The following CXADR variants were observed in gnomAD, a reference collection of about 807,000 sequenced individuals.
The protein encoded by CXADR is CXADR cell adhesion molecule, also known as coxsackievirus and adenovirus receptor.
Under a neutral mutation model 40.3 loss-of-function variants are expected in CXADR, and 20 were observed. The observed-to-expected ratio is 0.50, with a 90% confidence interval of 0.35 to 0.72. CXADR has a LOEUF of 0.72. CXADR is among the 30% of genes least tolerant of loss of function. CXADR has a pLI of 0.01. For missense variants in CXADR, 332 were observed against 449.1 expected (o/e 0.74, Z 2.36); for synonymous variants, 150 against 161.3 (o/e 0.93, Z 0.53).
chr21:17,539,089 A>G (rs892604069), intron 1 of CXADR, among the ~76,000 whole-genome samples: 5 of 152,142 alleles, frequency 3.3e-5, no homozygotes, highest in African/African-American at 9.7e-5. Context: ...TGATGCAGCT[A>G]TTTCTTGCAT....
At chr21:17,518,770 G>A in intron 1 of CXADR, 1 of 1,583,876 alleles carries the variant, frequency 6.3e-7, no homozygotes, top group Non-Finnish European at 8.7e-7. Context: ...AGAAAGGGAA[G>A]CTTGGACTTT....
chr21:17,513,083 G>A lies in CXADR; in HGVS notation c.-47G>A, dbSNP rs749024377. 18 of 1,336,368 alleles carry A rather than the reference G, an allele frequency of 1.3e-5. No individual in the cohort carries two copies. In the African/African-American group the frequency reaches 1.7e-4, roughly 13 times the overall value. 82.8% of individuals were successfully genotyped at this position (1,336,368 alleles called of 1,614,324 possible). A position where few individuals can be genotyped will look rare whatever the true frequency, so the allele number is the denominator to read the frequency against. On this transcript the variant is annotated 5_prime_UTR_variant, in exon 1 of 7. Transcript: ENST00000284878. ...AGGCGCGGGGAGCCTGGGACCAGGA[G>A]CGAGAGCCGCCTACCTGCAGCCGCC...
downstream of CXADR, among the ~76,000 whole-genome samples, chr21:17,571,266 T>A (rs1168247565): frequency 1.3e-5 from 2 of 152,206 alleles, no homozygotes; most frequent in Admixed American, 1.3e-4. Flanking sequence ...ACAAAATACC[T>A]ACTTCACAGG....
intron 1 of CXADR, among the ~76,000 whole-genome samples, chr21:17,523,352 G>C (rs2060555055): frequency 6.6e-6 from 1 of 152,174 alleles, no homozygotes; most frequent in Admixed American, 6.5e-5. Flanking sequence ...AGAAGAGAAA[G>C]AGCATTTGAA....
exon 8 of CXADR, chr21:17,593,459 T>G (rs2061461797): frequency 1.2e-5 from 3 of 258,070 alleles, no homozygotes; most frequent in Non-Finnish European, 2.2e-5. Context: ...TAACTACCAC[T>G]AACAAATTTT....
intron 1 of CXADR, among the ~76,000 whole-genome samples, chr21:17,522,980 G>C (rs183235838): frequency 6.6e-6 from 1 of 152,176 alleles, no homozygotes; most frequent in African/African-American, 2.4e-5. Context: ...ATCTTACTTG[G>C]CCTTTCCTAT....
At chr21:17,605,097 TA>T in the CXADR span, 12 of 1,316,820 alleles carry the variant, frequency 9.1e-6, no homozygotes, top group Admixed American at 2.4e-5. Context: ...AAAATAGTAA[TA>T]AAAAAATACC....
intron 2 of CXADR, among the ~76,000 whole-genome samples, chr21:17,551,376 G>C (rs1288507815): frequency 6.6e-6 from 1 of 152,048 alleles, no homozygotes; most frequent in African/African-American, 2.4e-5. Context: ...CTGGGCCACA[G>C]ACACAGACTC....
the CXADR span, chr21:17,604,802 T>G: frequency 6.4e-7 from 1 of 1,569,834 alleles, no homozygotes; most frequent in Non-Finnish European, 8.6e-7. Context: ...CATGACAGAA[T>G]GTCATAAAAT....
At chr21:17,537,595 G>C (rs1467564603) in intron 1 of CXADR, among the ~76,000 whole-genome samples, 3 of 151,980 alleles carry the variant, frequency 2.0e-5, no homozygotes, top group African/African-American at 7.3e-5. Flanking sequence ...CCCTGTGCAT[G>C]TGCCATCACT....
At chr21:17,585,646 T>G (rs1350103912) in intron 7 of CXADR, among the ~76,000 whole-genome samples, 5 of 152,078 alleles carry the variant, frequency 3.3e-5, no homozygotes. Context: ...GCCTCCTGAG[T>G]AGCTGGGATT....
chr21:17,590,222 C>G (rs2061425250), intron 7 of CXADR, among the ~76,000 whole-genome samples: 1 of 84,152 alleles, frequency 1.2e-5, no homozygotes, highest in South Asian at 5.8e-4. Context: ...ATTTTTGTAG[C>G]TAGGTATTTT....
At chr21:17,601,374 A>G in the CXADR span, among the ~76,000 whole-genome samples, 1 of 152,128 alleles carries the variant, frequency 6.6e-6, no homozygotes, top group Non-Finnish European at 1.5e-5. Context: ...ATACCTAAAC[A>G]GAAGCTGGAC....
intron 1 of CXADR, among the ~76,000 whole-genome samples, chr21:17,516,558 A>G (rs530360431): frequency 9.2e-5 from 14 of 152,248 alleles, no homozygotes; most frequent in Middle Eastern, 3.4e-3. Flanking sequence ...GTGTTCTTCA[A>G]TTGCCAACAT....
intron 1 of CXADR, among the ~76,000 whole-genome samples, chr21:17,517,755 A>G (rs2060479007): frequency 6.6e-6 from 1 of 152,226 alleles, no homozygotes; most frequent in Admixed American, 6.5e-5. Flanking sequence ...GCTTAACTCT[A>G]TATGGAGAAC....
chr21:17,598,865 T>A, the CXADR span: 90 of 1,515,146 alleles, frequency 5.9e-5, no homozygotes, highest in African/African-American at 1.1e-3. Context: ...TGAAGTCACA[T>A]CAGCAAAGCA....
intron 1 of CXADR, among the ~76,000 whole-genome samples, chr21:17,533,554 T>C (rs1436800992): frequency 1.3e-5 from 2 of 152,198 alleles, no homozygotes; most frequent in East Asian, 3.8e-4. Context: ...TGTGTCTCAG[T>C]GTGTTTGTTT....
chr21:17,598,918 T>A, the CXADR span: 1 of 937,856 alleles, frequency 1.1e-6, no homozygotes. Context: ...ATGCCATCAA[T>A]ACAAGGCAAA....
downstream of CXADR, among the ~76,000 whole-genome samples, chr21:17,572,371 C>CA (rs71333562): frequency 1.4e-5 from 2 of 143,232 alleles, no homozygotes; most frequent in African/African-American, 2.6e-5. Context: ...GACTCCGTCT[C>CA]AAAAAAAAAA....
Sources: allele counts gnomAD v4.1 joint callset (sites outside exome capture counted in the v4.1 genomes callset), GRCh38; gene constraint gnomAD v4.1.1; transcripts MANE v1.5; gene names NCBI Gene and HGNC (gene_info 2026-07-23, HGNC 2026-07-21).